CPNE4: variants seen among roughly 807,000 people sequenced by gnomAD.
CPNE4 encodes the protein copine 4.
CPNE4 carries 25 observed loss-of-function variants against 67.9 expected under a neutral mutation model. The ratio of observed to expected loss-of-function variants is 0.37; its 90% CI spans 0.27 to 0.51. CPNE4 has a LOEUF of 0.51. Among genes scored for constraint, CPNE4 ranks in the 20% least tolerant of loss-of-function variants. CPNE4 has a pLI of 0.93. For synonymous variants in CPNE4, 242 were observed against 244.9 expected, an observed-to-expected ratio of 0.99 and a Z score of 0.11; for missense variants, 464 against 690.8, an observed-to-expected ratio of 0.67 and a Z score of 3.68.
intron 10 of CPNE4, among the ~76,000 whole-genome samples, chr3:131,574,256 C>T (rs1225491962): frequency 2.6e-5 from 4 of 152,140 alleles, no homozygotes; most frequent in Non-Finnish European, 4.4e-5. Flanking sequence ...TTTACGTCCA[C>T]ATTGCTTTCC....
At chr3:131,958,222 G>C (rs1454674532) in intron 1 of CPNE4, among the ~76,000 whole-genome samples, 1 of 152,162 alleles carries the variant, frequency 6.6e-6, no homozygotes, top group Non-Finnish European at 1.5e-5. Context: ...CTGTGAAGCA[G>C]GTATAGATGA....
chr3:131,773,661 A>G (rs1050023667), intron 2 of CPNE4, among the ~76,000 whole-genome samples: 1 of 152,062 alleles, frequency 6.6e-6, no homozygotes, highest in Non-Finnish European at 1.5e-5. Flanking sequence ...GAAGATTTAA[A>G]TAAGACTTAA....
intron 7 of CPNE4, 76 bp downstream of exon 7, chr3:131,669,599 A>G: frequency 2.4e-6 from 3 of 1,244,630 alleles, no homozygotes; most frequent in Non-Finnish European, 3.5e-6. Flanking sequence ...GGGTTTGTCA[A>G]TATTATTTTG....
chr3:131,559,084 T>A (rs1354135814), intron 11 of CPNE4, among the ~76,000 whole-genome samples: 1 of 151,982 alleles, frequency 6.6e-6, no homozygotes, highest in East Asian at 1.9e-4. Flanking sequence ...ATTCTAAACA[T>A]GAATGATTCA....
intron 4 of CPNE4, 132 bp from the exon 5 acceptor site, chr3:131,696,748 C>A: frequency 1.3e-6 from 1 of 747,536 alleles, no homozygotes; most frequent in Non-Finnish European, 2.3e-6. Flanking sequence ...TTTTCCACAA[C>A]CCTAGTGACT....
intron 15 of CPNE4, among the ~76,000 whole-genome samples, chr3:131,540,324 C>A (rs150056139): frequency 1.3e-5 from 2 of 152,294 alleles, no homozygotes; most frequent in African/African-American, 2.4e-5. Flanking sequence ...TCCAAGGAGC[C>A]TTGGAATGTG....
chr3:131,627,688 G>T (rs563415109), intron 7 of CPNE4, among the ~76,000 whole-genome samples: 1 of 152,318 alleles, frequency 6.6e-6, no homozygotes, highest in East Asian at 1.9e-4. Context: ...ATGAATAGGA[G>T]TTTGGAAGTT....
At chr3:131,858,763 G>T (rs926384662) in intron 2 of CPNE4, among the ~76,000 whole-genome samples, 1 of 152,130 alleles carries the variant, frequency 6.6e-6, no homozygotes. Context: ...ACACCTAGGA[G>T]TTGTGGCTAT....
chr3:131,647,492 T>G (rs1275509182), intron 7 of CPNE4, among the ~76,000 whole-genome samples: 1 of 152,222 alleles, frequency 6.6e-6, no homozygotes, highest in Non-Finnish European at 1.5e-5. Context: ...TCTTGCCATG[T>G]CCTTTCTTTA....
intron 7 of CPNE4, among the ~76,000 whole-genome samples, chr3:131,655,546 G>C (rs555596747): frequency 6.6e-6 from 1 of 152,244 alleles, no homozygotes; most frequent in African/African-American, 2.4e-5. Flanking sequence ...TCTTTCATGG[G>C]ATAGCTGTCA....
chr3:132,014,186 G>C (rs955744452), intron 1 of CPNE4, among the ~76,000 whole-genome samples: 1 of 152,118 alleles, frequency 6.6e-6, no homozygotes, highest in African/African-American at 2.4e-5. Context: ...TGTAAAGAAA[G>C]CCCCTCCTTC....
chr3:131,798,017 C>T (rs977817951), intron 2 of CPNE4, among the ~76,000 whole-genome samples: 4 of 152,174 alleles, frequency 2.6e-5, no homozygotes, highest in African/African-American at 9.7e-5. Context: ...CCTCAAATGA[C>T]TGAGAAAGAG....
intron 11 of CPNE4, among the ~76,000 whole-genome samples, chr3:131,556,558 T>TCTC (rs1559891636): frequency 6.6e-6 from 1 of 152,070 alleles, no homozygotes; most frequent in African/African-American, 2.4e-5. Flanking sequence ...AATCTTTATA[T>TCTC]CTCTACTGTC....
chr3:131,808,259 A>C (rs2084393692), intron 2 of CPNE4, among the ~76,000 whole-genome samples: 1 of 152,236 alleles, frequency 6.6e-6, no homozygotes, highest in Non-Finnish European at 1.5e-5. Context: ...CAAATTAATT[A>C]ACAGAATTAG....
chr3:131,927,571 A>G (rs1273736300), intron 1 of CPNE4, among the ~76,000 whole-genome samples: 1 of 152,078 alleles, frequency 6.6e-6, no homozygotes, highest in African/African-American at 2.4e-5. Flanking sequence ...TTGTATTTTT[A>G]CCCCATTGCC....
chr3:131,794,460 G>A lies in CPNE4; in HGVS notation c.181-70835C>T, dbSNP rs559035849. On this transcript the variant is annotated intron_variant, in intron 2 of 15. Coordinates refer to ENST00000429747, the MANE Select transcript of CPNE4 (RefSeq NM_130808.3). The stretch of plus-strand genomic sequence containing the variant: ...GGGTTTCACCATGTTGGCCAGGATG[G>A]TGTCGATCTCTTGACCTTGTGATCC... Among the ~76,000 whole-genome samples the A allele has an allele frequency of 1.1e-4, 16 of 152,240 alleles. 2 individuals are homozygous for A. The South Asian group carries it at 2.9e-3, about 28-fold the overall frequency.
chr3:131,848,981 A>AAAAAAAAAAAAAAC (rs1297906130), intron 2 of CPNE4, among the ~76,000 whole-genome samples: 5 of 141,770 alleles, frequency 3.5e-5, no homozygotes, highest in African/African-American at 1.3e-4. Context: ...AAAAAAAAAA[A>AAAAAAAAAAAAAAC]ACACAGAGAT....
intron 2 of CPNE4, among the ~76,000 whole-genome samples, chr3:131,807,124 G>A (rs372461412): frequency 2.6e-5 from 4 of 152,228 alleles, no homozygotes; most frequent in Non-Finnish European, 4.4e-5. Flanking sequence ...AGTGCCTGGC[G>A]GGGGTGGTGA....
At chr3:131,836,292 G>T (rs1427093855) in intron 2 of CPNE4, among the ~76,000 whole-genome samples, 1 of 152,066 alleles carries the variant, frequency 6.6e-6, no homozygotes, top group East Asian at 1.9e-4. Context: ...AGGATGCAAA[G>T]CTGGTTCAAT....
Sources: allele counts gnomAD v4.1 joint callset (sites outside exome capture counted in the v4.1 genomes callset), GRCh38; gene constraint gnomAD v4.1.1; transcripts MANE v1.5; gene names NCBI Gene and HGNC (gene_info 2026-07-23, HGNC 2026-07-21).